The following FSHR variants were observed in gnomAD, a reference collection of about 807,000 sequenced individuals.
The protein encoded by FSHR is follicle-stimulating hormone receptor.
FSHR carries 46 observed loss-of-function variants against 52.1 expected under a neutral mutation model. That is an observed-to-expected ratio of 0.88 (90% confidence interval 0.70 to 1.13). The LOEUF is 1.13. Among genes scored for constraint, FSHR ranks in the 50% most tolerant of loss-of-function variants. FSHR has a pLI of 0.00. For missense variants in FSHR, 964 were observed against 834.6 expected, an observed-to-expected ratio of 1.16 and a Z score of -1.91; for synonymous variants, 399 against 309.6, an observed-to-expected ratio of 1.29 and a Z score of -3.03.
intron 1 of FSHR, among the ~76,000 whole-genome samples, chr2:49,106,527 T>C (rs990618136): frequency 5.3e-5 from 8 of 152,130 alleles, no homozygotes; most frequent in African/African-American, 1.9e-4. Context: ...AGGTACAGAT[T>C]GAAATCAATT....
At chr2:49,150,358 C>T (rs139929238) in intron 1 of FSHR, among the ~76,000 whole-genome samples, 14 of 152,144 alleles carry the variant, frequency 9.2e-5, no homozygotes, top group Non-Finnish European at 1.6e-4. Context: ...ATCTTTATAT[C>T]AATTTTCCAA....
chr2:49,046,475 G>T lies in FSHR; in HGVS notation c.224+21744C>A, dbSNP rs6716567. Among the ~76,000 whole-genome samples the T allele has an allele frequency of 3.9e-5, 6 of 152,030 alleles. 1 individual carries two copies. Among genetic ancestry groups the T allele is most frequent in the Admixed American group, 3.9e-4 (6 of 15,266 alleles). On this transcript the variant is annotated intron_variant, in intron 2 of 9. Coordinates refer to ENST00000406846, the MANE Select transcript of FSHR (RefSeq NM_000145.4). ...GTCACATAACCACTTTGGCTTCAACGTTCTCACTATAAAATTAGAATGATA... is the reference window on the plus strand; with the variant it reads ...GTCACATAACCACTTTGGCTTCAACTTTCTCACTATAAAATTAGAATGATA...
intron 4 of FSHR, among the ~76,000 whole-genome samples, chr2:48,994,893 T>C (rs904156920): frequency 1.3e-5 from 2 of 152,144 alleles, no homozygotes; most frequent in Non-Finnish European, 2.9e-5. Flanking sequence ...CTTTCATGCC[T>C]GATTGTCCTT....
intron 1 of FSHR, among the ~76,000 whole-genome samples, chr2:49,139,475 C>G (rs1221264213): frequency 6.6e-6 from 1 of 151,978 alleles, no homozygotes; most frequent in Non-Finnish European, 1.5e-5. Context: ...ACCAAGCTGA[C>G]CATGGAAGAC....
intron 1 of FSHR, among the ~76,000 whole-genome samples, chr2:49,090,776 A>T (rs1157622494): frequency 6.6e-6 from 1 of 152,150 alleles, no homozygotes; most frequent in African/African-American, 2.4e-5. Flanking sequence ...GTCAGCATGC[A>T]GTAGTCAGTT....
intron 2 of FSHR, among the ~76,000 whole-genome samples, chr2:49,067,685 T>C (rs77552587): frequency 0.039 from 5,924 of 152,180 alleles, 174 homozygotes; most frequent in Middle Eastern, 0.061. Flanking sequence ...CAATGTGAAC[T>C]GAATGTTTGC....
intron 1 of FSHR, among the ~76,000 whole-genome samples, chr2:49,069,751 C>T (rs1392355615): frequency 2.6e-5 from 4 of 152,028 alleles, no homozygotes; most frequent in African/African-American, 9.7e-5. Context: ...GAATATTATT[C>T]TTTCCCCAGC....
rs771721438 is a variant in FSHR, at chr2:48,983,015, GA to G, written c.594-30del. The G allele has an allele frequency of 1.9e-3, 3,016 of 1,611,012 alleles. 13 individuals carry two copies. The highest frequency in any genetic ancestry group is 2.4e-3 in the Non-Finnish European group (2,801 of 1,177,250). On this transcript the variant is annotated intron_variant, in intron 7 of 9. Transcript: ENST00000406846. ...GGGATGGGGTTGAGGAAAGAAGAAG[GA>G]AAACACAAAGCCACATAAATATTGC...
intron 2 of FSHR, among the ~76,000 whole-genome samples, chr2:49,042,423 G>A (rs1482607273): frequency 1.3e-5 from 2 of 152,150 alleles, no homozygotes; most frequent in African/African-American, 4.8e-5. Flanking sequence ...CTAAAAACAG[G>A]ATCATCAGGG....
At chr2:48,984,043 G>C (rs2104071414) in intron 6 of FSHR, among the ~76,000 whole-genome samples, 2 of 152,226 alleles carry the variant, frequency 1.3e-5, no homozygotes, top group Middle Eastern at 6.8e-3. Flanking sequence ...TTGCTGTCAG[G>C]TTCTTTTCCC....
chr2:49,104,109 C>A lies in FSHR; in HGVS notation c.153-35819G>T, dbSNP rs191681068. Among the ~76,000 whole-genome samples the A allele has an allele frequency of 4.5e-3, 689 of 152,166 alleles. 6 individuals are homozygous for A. The highest frequency in any genetic ancestry group is 0.013 in the South Asian group (61 of 4,824). On this transcript the variant is annotated intron_variant, in intron 1 of 9. Coordinates refer to ENST00000406846, the MANE Select transcript of FSHR (RefSeq NM_000145.4). The stretch of plus-strand genomic sequence containing the variant: ...GAGTATAGGAAAGGTCATTATCTAG[C>A]AAACTCTTACCTGGAGGAAGATTAG...
intron 1 of FSHR, among the ~76,000 whole-genome samples, chr2:49,142,395 G>T (rs1256688081): frequency 6.6e-6 from 1 of 152,132 alleles, no homozygotes; most frequent in Non-Finnish European, 1.5e-5. Flanking sequence ...ATAGATCTAA[G>T]GTAGGAAAGA....
At chr2:49,128,950 C>T (rs75883235) in intron 1 of FSHR, among the ~76,000 whole-genome samples, 1,807 of 151,788 alleles carry the variant, frequency 0.012, 17 homozygotes, top group Non-Finnish European at 0.022. Context: ...GAAAATTTAA[C>T]ATCACTCTAT....
intron 2 of FSHR, among the ~76,000 whole-genome samples, chr2:49,063,753 T>G: frequency 6.6e-6 from 1 of 152,132 alleles, no homozygotes; most frequent in East Asian, 1.9e-4. Flanking sequence ...TCTACTGTTC[T>G]ATAGCACTGT....
chr2:49,105,013 G>T (rs190710436), intron 1 of FSHR, among the ~76,000 whole-genome samples: 1 of 152,168 alleles, frequency 6.6e-6, no homozygotes, highest in East Asian at 1.9e-4. Context: ...ACTCTTTTGA[G>T]TTGAGAAATC....
intron 1 of FSHR, among the ~76,000 whole-genome samples, chr2:49,136,944 T>A (rs1423734376): frequency 1.3e-5 from 2 of 152,072 alleles, no homozygotes; most frequent in Non-Finnish European, 2.9e-5. Context: ...TTCCTTAAGA[T>A]CAGGACCAAG....
chr2:49,102,299 TG>T (rs751650720), intron 1 of FSHR, among the ~76,000 whole-genome samples: 27 of 152,078 alleles, frequency 1.8e-4, no homozygotes, highest in South Asian at 6.2e-4. Flanking sequence ...TGGGAAGGTG[TG>T]GGGGCAGCAC....
intron 1 of FSHR, among the ~76,000 whole-genome samples, chr2:49,130,323 C>T (rs1672218169): frequency 6.6e-6 from 1 of 152,150 alleles, no homozygotes; most frequent in African/African-American, 2.4e-5. Flanking sequence ...GCTCTGCTCC[C>T]ATTTTGCTAT....
intron 1 of FSHR, among the ~76,000 whole-genome samples, chr2:49,077,255 G>T (rs918023446): frequency 6.6e-6 from 1 of 152,230 alleles, no homozygotes; most frequent in African/African-American, 2.4e-5. Context: ...TGACTTTTGT[G>T]TATCTTGACT....
Sources: gnomAD v4.1 joint callset for allele counts (sites outside exome capture counted in the v4.1 genomes callset) on GRCh38, gnomAD v4.1.1 for gene constraint, MANE v1.5 for transcripts, NCBI Gene and HGNC (gene_info 2026-07-23, HGNC 2026-07-21) for gene names.